Variants in TYW3 observed in about 807,000 individuals in gnomAD.
TYW3 encodes tRNA wybutosine-synthesizing protein 3 homolog.
Under a neutral mutation model 23.1 loss-of-function variants are expected in TYW3, and 26 were observed. That is an observed-to-expected ratio of 1.13 (90% confidence interval 0.83 to 1.56). The LOEUF (loss-of-function observed/expected upper bound fraction) is 1.56, where lower values mean the gene tolerates loss of function less well. Ranked by LOEUF, TYW3 falls within the 40% of genes most tolerant of loss-of-function variation. The pLI, the probability that TYW3 is intolerant of heterozygous loss-of-function variation, is 0.00. For synonymous variants in TYW3, 102 were observed against 105.7 expected (o/e 0.97, Z 0.21); for missense variants, 316 against 311.9 (o/e 1.01, Z -0.10).
At chr1:74,759,099 T>G (rs1649047532) in intron 5 of TYW3, among the ~76,000 whole-genome samples, 1 of 152,240 alleles carries the variant, frequency 6.6e-6, no homozygotes, top group Non-Finnish European at 1.5e-5. Context: ...GCTACTTTTT[T>G]TAAGGCTTCA....
At chr1:74,736,779 G>C (rs1045726303) in intron 2 of TYW3, among the ~76,000 whole-genome samples, 157 bp downstream of exon 2, 1 of 152,072 alleles carries the variant, frequency 6.6e-6, no homozygotes, top group African/African-American at 2.4e-5. Context: ...GCTCTTTTTG[G>C]GTTGTAGGAG....
chr1:74,736,721 G>A (rs1317996571), intron 2 of TYW3, 99 bp downstream of exon 2: 1 of 901,294 alleles, frequency 1.1e-6, no homozygotes, highest in Non-Finnish European at 1.7e-6. Flanking sequence ...TATATGCAGA[G>A]TTATAATGGC....
chr1:74,753,621 C>T (rs541212560), intron 5 of TYW3, among the ~76,000 whole-genome samples: 83 of 152,252 alleles, frequency 5.5e-4, no homozygotes, highest in African/African-American at 2.0e-3. Context: ...CTGGGAAATA[C>T]CTATCTTAAA....
Position 74,754,638 on chromosome 1 carries a change from A to G in TYW3, c.560+2213A>G, listed in dbSNP as rs1232899734. ...ATTCAGAGAATTTCAAAAACAAAAA[A>G]TCCTGAAAAACATTTCAGCAATAAG... On this transcript the variant is annotated intron_variant, in intron 5 of 5. Coordinates refer to ENST00000370867, the MANE Select transcript of TYW3 (RefSeq NM_138467.3). Among the ~76,000 whole-genome samples, 4 of 152,162 alleles carry G rather than the reference A, an allele frequency of 2.6e-5. No individual in the cohort carries two copies. The East Asian group carries it at 5.8e-4, about 22-fold the overall frequency.
At chr1:74,736,684 G>A in intron 2 of TYW3, 62 bp downstream of exon 2, 11 of 1,281,844 alleles carry the variant, frequency 8.6e-6, no homozygotes, top group Non-Finnish European at 1.2e-5. Context: ...AAATACATAT[G>A]ACAAGAATAG....
At chr1:74,762,496 A>C (rs1481368377) in intron 5 of TYW3, among the ~76,000 whole-genome samples, 2 of 152,122 alleles carry the variant, frequency 1.3e-5, no homozygotes, top group Admixed American at 1.3e-4. Flanking sequence ...TTCTGGGGTT[A>C]TTCATTCATT....
rs778100869 is a variant in TYW3 at position 74,752,290 on chromosome 1, AG to A, written c.427del. ...CATATCTAAATTGTTTTTTCCTTGT[AG>A]GCTGTCCGGAGTACACATGGCTTAG... On this transcript the variant is annotated splice_acceptor_variant, in intron 4 of 5. Coordinates refer to ENST00000370867, the MANE Select transcript of TYW3 (RefSeq NM_138467.3). LOFTEE classifies it high-confidence loss of function. The A allele has an allele frequency of 5.0e-6, 8 of 1,595,418 alleles. No homozygotes were observed. The highest frequency in any genetic ancestry group is 3.5e-5 in the Admixed American group (2 of 57,050).
At chr1:74,741,550 A>G (rs1052979393) in intron 3 of TYW3, among the ~76,000 whole-genome samples, 3 of 152,118 alleles carry the variant, frequency 2.0e-5, no homozygotes, top group Non-Finnish European at 4.4e-5. Context: ...TAGAGGGGAG[A>G]GATTTGACTA....
intron 3 of TYW3, among the ~76,000 whole-genome samples, chr1:74,742,818 A>G (rs1457406673): frequency 2.0e-5 from 3 of 152,128 alleles, no homozygotes; most frequent in African/African-American, 4.8e-5. Flanking sequence ...CCCAATCACA[A>G]CTGAGGAGGT....
chr1:74,765,055 G>C lies in TYW3; in HGVS notation c.*942G>C, dbSNP rs1649255253. 1 of 152,102 alleles carries C rather than the reference G, an allele frequency of 6.6e-6. No homozygotes were observed. The highest frequency in any genetic ancestry group is 1.5e-5 in the Non-Finnish European group (1 of 68,014). The allele number at this position is 152,102 out of a possible 1,614,324, so 9.4% of individuals were successfully genotyped here. ...GAGGCATGGAGATGCTACTTTAATAGGCCCTGCCGCAGATCTTCCAAACCA... is the reference window on the plus strand; with the variant it reads ...GAGGCATGGAGATGCTACTTTAATACGCCCTGCCGCAGATCTTCCAAACCA... On this transcript the variant is annotated 3_prime_UTR_variant, in exon 6 of 6. Coordinates refer to ENST00000370867, the MANE Select transcript of TYW3 (RefSeq NM_138467.3).
chr1:74,736,684 G>C (rs1648166893), intron 2 of TYW3, 62 bp downstream of exon 2: 1 of 1,281,846 alleles, frequency 7.8e-7, no homozygotes, highest in South Asian at 1.4e-5. Context: ...AAATACATAT[G>C]ACAAGAATAG....
chr1:74,742,899 G>T (rs1648413722), intron 3 of TYW3, among the ~76,000 whole-genome samples: 1 of 152,180 alleles, frequency 6.6e-6, no homozygotes, highest in Admixed American at 6.5e-5. Flanking sequence ...ACAACTCCCT[G>T]AGACAGGAGA....
chr1:74,758,794 A>G (rs958215583), intron 5 of TYW3, among the ~76,000 whole-genome samples: 1 of 152,154 alleles, frequency 6.6e-6, no homozygotes, highest in African/African-American at 2.4e-5. Flanking sequence ...CCACTGCAAC[A>G]TGGTCACGTT....
chr1:74,748,867 C>T lies in TYW3; in HGVS notation c.426+45C>T, dbSNP rs200855348. 44 of 1,544,474 alleles carry T rather than the reference C, an allele frequency of 2.8e-5. No individual in the cohort carries two copies. In the East Asian group the frequency reaches 7.9e-4, roughly 28 times the overall value. Reference sequence around the variant, plus strand: ...AGTAATTTTTTTAGTGTAAAGTGATCCAGAAATTGAATAACCTAATTAGAC... The same window carrying T: ...AGTAATTTTTTTAGTGTAAAGTGATTCAGAAATTGAATAACCTAATTAGAC... On this transcript the variant is annotated intron_variant, in intron 4 of 5. Transcript: ENST00000370867.
Position 74,764,429 on chromosome 1 carries a change from T to G in TYW3, c.*316T>G, listed in dbSNP as rs1282846507. The G allele has an allele frequency of 4.9e-6, 1 of 202,918 alleles. No homozygotes were observed. The highest frequency in any genetic ancestry group is 9.8e-6 in the Non-Finnish European group (1 of 102,104). The allele number at this position is 202,918 out of a possible 1,614,324, so 12.6% of individuals were successfully genotyped here. ...TGTCTTATTCTGAAATAACCTGACC[T>G]AAGACAGGTATTTAGATTATTTTGG... On this transcript the variant is annotated 3_prime_UTR_variant, in exon 6 of 6. Coordinates refer to ENST00000370867, the MANE Select transcript of TYW3 (RefSeq NM_138467.3).
At chr1:74,763,642 C>G (rs1227548678) in intron 5 of TYW3, among the ~76,000 whole-genome samples, 1 of 151,990 alleles carries the variant, frequency 6.6e-6, no homozygotes, top group Non-Finnish European at 1.5e-5. Flanking sequence ...TCTTCTTTGA[C>G]CCCTACATTT....
At chr1:74,748,947 A>G (rs1391938438) in intron 4 of TYW3, 125 bp downstream of exon 4, 2 of 851,946 alleles carry the variant, frequency 2.3e-6, no homozygotes. Context: ...TTACTCATAA[A>G]CCCTCAGTGA....
At chr1:74,733,687 C>T (rs555850210) in intron 1 of TYW3, among the ~76,000 whole-genome samples, 1 of 152,138 alleles carries the variant, frequency 6.6e-6, no homozygotes, top group African/African-American at 2.4e-5. Flanking sequence ...CTAACAAGTG[C>T]CCAAATGATG....
Position 74,748,722 on chromosome 1 carries a change from A to G in TYW3, c.355-29A>G, listed in dbSNP as rs1376618486. ...AGATGATCTGGTTACCCACAGTATC[A>G]AAATGTAACAAGTTTTATTTTCTTA... On this transcript the variant is annotated intron_variant, in intron 3 of 5. Transcript: ENST00000370867. 1.0e-5 allele frequency: 16 copies of G among 1,605,862 alleles called. No homozygotes were observed. The Admixed American group carries it at 2.7e-4, about 27-fold the overall frequency.
Sources: allele counts gnomAD v4.1 joint callset (sites outside exome capture counted in the v4.1 genomes callset), GRCh38; gene constraint gnomAD v4.1.1; transcripts MANE v1.5; gene names NCBI Gene and HGNC (gene_info 2026-07-23, HGNC 2026-07-21).